The following ST6GAL1 variants were observed in gnomAD, a reference collection of about 807,000 sequenced individuals.
ST6GAL1 encodes the protein ST6 beta-galactoside alpha-2,6-sialyltransferase 1.
In ST6GAL1, 20 loss-of-function variants were observed where a neutral mutation model predicts 38.0. The ratio of observed to expected loss-of-function variants is 0.53; its 90% CI spans 0.37 to 0.77. The LOEUF (loss-of-function observed/expected upper bound fraction) is 0.77, where lower values mean the gene tolerates loss of function less well. ST6GAL1 is among the 30% of genes least tolerant of loss of function. The probability of loss-of-function intolerance (pLI) is 0.00; values close to 1 mark genes in which losing one functional copy is unlikely to be tolerated. For synonymous variants in ST6GAL1, 196 were observed against 188.2 expected (o/e 1.04, Z -0.34); for missense variants, 432 against 496.4 (o/e 0.87, Z 1.23).
In ST6GAL1 at chr3:187,051,250, T is replaced by A. The variant is rs748717915; in HGVS notation, c.609T>A (p.Asp203Glu). The A allele has an allele frequency of 6.2e-7, 1 of 1,614,012 alleles. No individual in the cohort carries two copies. Among genetic ancestry groups the A allele is most frequent in the South Asian group, 1.1e-5 (1 of 91,066 alleles). ...TTTCTGTTTCTTTGTGGTTTATAGA[T>A]GATCATGACGCAGTCCTGAGGTTTA... The part of the protein sequence containing the change: ...LKSSQLGREI[D>E]DHDAVLRFNG... Residue 203 changes from aspartate to glutamate, a missense_variant and splice_region_variant, in exon 5 of 8, where the codon GAT becomes GAA. By Grantham distance (45) the Asp-to-Glu change is conservative (BLOSUM62 2). Transcript: ENST00000169298.
intron 4 of ST6GAL1, 103 bp downstream of exon 4, chr3:187,043,413 G>A: frequency 6.7e-7 from 1 of 1,499,358 alleles, no homozygotes; most frequent in Non-Finnish European, 8.9e-7. Context: ...CAGCGGACCA[G>A]TGGAGTGGGC....
chr3:186,982,808 A>AG (rs1248655505), intron 2 of ST6GAL1, among the ~76,000 whole-genome samples: 2 of 139,720 alleles, frequency 1.4e-5, no homozygotes, highest in Non-Finnish European at 3.1e-5. Flanking sequence ...CAGCCTCCCA[A>AG]GTAGCTGGGA....
chr3:187,051,191 C>T, intron 4 of ST6GAL1, 58 bp from the exon 5 acceptor site: 1 of 1,479,358 alleles, frequency 6.8e-7, no homozygotes, highest in South Asian at 1.1e-5. Context: ...TCGTCTTTCT[C>T]TTTTTCTGCA....
At position 187,023,935 on chromosome 3, in the gene ST6GAL1, A is replaced by G. The variant is rs565904104; in HGVS notation, c.-182-14807A>G. 2.0e-4 allele frequency among the ~76,000 whole-genome samples: 31 copies of G among 151,756 alleles called. 1 individual carries two copies. The South Asian group carries it at 6.3e-3, about 31-fold the overall frequency. Reference sequence around the variant, plus strand: ...GAACCTATCGCATGAGTATTGGTGTAAGTTTTCTTACAGGCCCCGGGGCCA... The same window carrying G: ...GAACCTATCGCATGAGTATTGGTGTGAGTTTTCTTACAGGCCCCGGGGCCA... On this transcript the variant is annotated intron_variant, in intron 2 of 7. Transcript: ENST00000169298.
intron 1 of ST6GAL1, among the ~76,000 whole-genome samples, chr3:186,954,081 G>A (rs1714669582): frequency 6.6e-6 from 1 of 152,128 alleles, no homozygotes; most frequent in African/African-American, 2.4e-5. Context: ...AACATATGGT[G>A]TTTGATTTTC....
At chr3:187,010,465 G>A (rs1360032027) in intron 2 of ST6GAL1, among the ~76,000 whole-genome samples, 1 of 152,196 alleles carries the variant, frequency 6.6e-6, no homozygotes, top group Admixed American at 6.5e-5. Context: ...GAAGAAAAAT[G>A]ATTTATTTAT....
At chr3:187,000,152 T>G (rs1175050543) in intron 2 of ST6GAL1, among the ~76,000 whole-genome samples, 1 of 152,210 alleles carries the variant, frequency 6.6e-6, no homozygotes, top group Non-Finnish European at 1.5e-5. Context: ...AAATGTATCC[T>G]GCCTCCTGAC....
At chr3:186,990,061 T>C (rs1335611673) in intron 2 of ST6GAL1, among the ~76,000 whole-genome samples, 1 of 152,250 alleles carries the variant, frequency 6.6e-6, no homozygotes, top group Admixed American at 6.5e-5. Flanking sequence ...CTTGACTGCG[T>C]CTTGCTCTGT....
intron 1 of ST6GAL1, among the ~76,000 whole-genome samples, chr3:186,934,654 C>T (rs1713876686): frequency 6.6e-6 from 1 of 152,146 alleles, no homozygotes; most frequent in South Asian, 2.1e-4. Context: ...TATGAATCTC[C>T]TGGGGTTGTT....
At chr3:187,053,441 T>G (rs1407407264) in intron 5 of ST6GAL1, among the ~76,000 whole-genome samples, 1 of 152,220 alleles carries the variant, frequency 6.6e-6, no homozygotes, top group Non-Finnish European at 1.5e-5. Context: ...GGTCTAACAT[T>G]TAAGTCTTTA....
At chr3:187,050,443 A>G (rs1249353351) in intron 4 of ST6GAL1, among the ~76,000 whole-genome samples, 3 of 152,068 alleles carry the variant, frequency 2.0e-5, no homozygotes, top group Admixed American at 6.5e-5. Flanking sequence ...AAAGACAAGG[A>G]GCTAGCCCAG....
intron 2 of ST6GAL1, among the ~76,000 whole-genome samples, chr3:187,005,263 CT>C (rs1477796027): frequency 8.1e-6 from 1 of 124,102 alleles, no homozygotes; most frequent in Non-Finnish European, 1.6e-5. Context: ...GTTTCTTTTT[CT>C]TTTTCTTTTT....
At position 187,075,550 on chromosome 3, in the gene ST6GAL1, T is replaced by C; in HGVS notation, c.980-12T>C. 6.2e-7 allele frequency: 1 copy of C among 1,613,218 alleles called. No individual in the cohort carries two copies. The highest frequency in any genetic ancestry group is 8.5e-7 in the Non-Finnish European group (1 of 1,179,268). On this transcript the variant is annotated splice_polypyrimidine_tract_variant and intron_variant, in intron 7 of 7. Transcript: ENST00000169298. The surrounding 1 kb of genome is among the most constrained non-coding windows in gnomAD (Gnocchi z 4.1). ...GTTGTCAGGCATGACTCACCTCTGC[T>C]CCCCTCTCCAGGTATCATCATCATG... is the stretch of plus-strand genomic sequence containing the variant.
chr3:187,070,279 A>G (rs1393871557), intron 5 of ST6GAL1, among the ~76,000 whole-genome samples: 3 of 152,064 alleles, frequency 2.0e-5, no homozygotes, highest in Non-Finnish European at 4.4e-5. Flanking sequence ...GAAATAGCGA[A>G]TGGATGCTGG....
At chr3:186,950,563 C>A (rs1167375949) in intron 1 of ST6GAL1, among the ~76,000 whole-genome samples, 1 of 152,192 alleles carries the variant, frequency 6.6e-6, no homozygotes, top group Non-Finnish European at 1.5e-5. Context: ...AGTGCAGGCT[C>A]CAGGTCATGT....
intron 2 of ST6GAL1, among the ~76,000 whole-genome samples, chr3:187,022,407 G>A: frequency 6.6e-6 from 1 of 152,262 alleles, no homozygotes; most frequent in East Asian, 1.9e-4. Flanking sequence ...AGTCTTAAGT[G>A]CGTTTTAGGG....
At chr3:187,074,465 T>C (rs561322203) in intron 7 of ST6GAL1, 132 bp downstream of exon 7, 7 of 966,266 alleles carry the variant, frequency 7.2e-6, no homozygotes, top group Non-Finnish European at 1.0e-5. Context: ...GCTCTGCTTG[T>C]AGACCATGCC....
intron 2 of ST6GAL1, among the ~76,000 whole-genome samples, chr3:186,995,769 G>C (rs1156822719): frequency 6.6e-6 from 1 of 152,114 alleles, no homozygotes; most frequent in Non-Finnish European, 1.5e-5. Context: ...GCTTGAGCCC[G>C]GGAGGCAGAG....
intron 4 of ST6GAL1, among the ~76,000 whole-genome samples, chr3:187,046,097 T>G (rs768201042): frequency 7.2e-5 from 11 of 152,252 alleles, no homozygotes; most frequent in Non-Finnish European, 1.5e-4. Flanking sequence ...TTTTGTACTC[T>G]ATAATGTCTC....
Sources: gnomAD v4.1 joint callset for allele counts (sites outside exome capture counted in the v4.1 genomes callset) on GRCh38, gnomAD v4.1.1 for gene constraint, Gnocchi (gnomAD v3.1) non-coding constraint, MANE v1.5 for transcripts, NCBI Gene and HGNC (gene_info 2026-07-23, HGNC 2026-07-21) for gene names.